The following DGKB variants were observed in gnomAD, a reference collection of about 807,000 sequenced individuals.
DGKB encodes the protein diacylglycerol kinase beta, also known as 90 kDa diacylglycerol kinase.
DGKB carries 67 observed loss-of-function variants against 114.3 expected under a neutral mutation model. That is an observed-to-expected ratio of 0.59 (90% CI 0.48 to 0.72). The LOEUF is 0.72. Ranked by LOEUF, DGKB falls within the 30% of genes least tolerant of loss-of-function variation. The probability of loss-of-function intolerance (pLI) is 0.00; values close to 1 mark genes in which losing one functional copy is unlikely to be tolerated. For missense variants in DGKB, 907 were observed against 975.2 expected (o/e 0.93, Z 0.93); for synonymous variants, 398 against 323.1 (o/e 1.23, Z -2.49).
chr7:14,835,006 G>C (rs1846956891), intron 2 of DGKB, among the ~76,000 whole-genome samples: 1 of 152,122 alleles, frequency 6.6e-6, no homozygotes, highest in South Asian at 2.1e-4. Context: ...GTCTGAAGCA[G>C]TACAACAAAT....
intron 23 of DGKB, among the ~76,000 whole-genome samples, chr7:14,285,078 TAGTG>T (rs1800659773): frequency 2.6e-5 from 4 of 152,116 alleles, no homozygotes; most frequent in African/African-American, 2.4e-5. Flanking sequence ...AAACCTTACT[TAGTG>T]AGTGATATTT....
intron 14 of DGKB, among the ~76,000 whole-genome samples, chr7:14,629,479 A>G (rs1809278692): frequency 6.6e-6 from 1 of 152,028 alleles, no homozygotes; most frequent in South Asian, 2.1e-4. Context: ...CTCTAAATAA[A>G]TTCATAATCT....
chr7:14,934,977 A>G (rs1785203288), intron 1 of DGKB, among the ~76,000 whole-genome samples: 1 of 152,210 alleles, frequency 6.6e-6, no homozygotes, highest in African/African-American at 2.4e-5. Flanking sequence ...CCTGGTTCTG[A>G]AAGCACATTA....
At chr7:14,927,803 T>G (rs1784822230) in intron 1 of DGKB, among the ~76,000 whole-genome samples, 1 of 151,954 alleles carries the variant, frequency 6.6e-6, no homozygotes, top group Non-Finnish European at 1.5e-5. Flanking sequence ...GTACATAAAG[T>G]AGCAGCTGAC....
At chr7:14,302,379 GA>G (rs1202967883) in intron 23 of DGKB, among the ~76,000 whole-genome samples, 1 of 151,916 alleles carries the variant, frequency 6.6e-6, no homozygotes, top group Non-Finnish European at 1.5e-5. Flanking sequence ...ATTTTATTTT[GA>G]AATTTGTGTA....
chr7:14,450,699 T>C (rs186878439), intron 21 of DGKB, among the ~76,000 whole-genome samples: 1 of 152,202 alleles, frequency 6.6e-6, no homozygotes, highest in East Asian at 1.9e-4. Context: ...ATTTTCATCA[T>C]TCTGTGCCAT....
chr7:14,870,809 T>TAACAAATAATAACTATATATTTATGG (rs1562774283), intron 1 of DGKB, among the ~76,000 whole-genome samples: 2 of 8,786 alleles, frequency 2.3e-4, no homozygotes, highest in African/African-American at 2.9e-4. Context: ...AAAAGAAAAT[T>TAACAAATAATAACTATATATTTATGG]GGCCGGGCGC....
chr7:14,468,408 G>A (rs564936947), intron 21 of DGKB, among the ~76,000 whole-genome samples: 58 of 152,134 alleles, frequency 3.8e-4, no homozygotes, highest in Admixed American at 1.2e-3. Flanking sequence ...AAGCTTCAGT[G>A]TTTTCACCAT....
At chr7:14,249,321 T>C (rs902778433) in intron 23 of DGKB, among the ~76,000 whole-genome samples, 1 of 152,200 alleles carries the variant, frequency 6.6e-6, no homozygotes, top group African/African-American at 2.4e-5. Context: ...GTAGTGTTTT[T>C]ATCTGGCTTT....
rs990546616 is a variant in DGKB, at chr7:14,829,726, C to G, written c.70+11468G>C. Among the ~76,000 whole-genome samples the G allele has an allele frequency of 8.5e-5, 13 of 152,078 alleles. 1 individual carries two copies. The highest frequency in any genetic ancestry group is 8.5e-4 in the Admixed American group (13 of 15,254). ...TAAGGTAACAAGAGGAAAATTAACA[C>G]AGAACTCTATGATTATGGCAGCCAA... On this transcript the variant is annotated intron_variant, in intron 2 of 25. Coordinates refer to ENST00000402815, the MANE Select transcript of DGKB (RefSeq NM_001350709.2).
chr7:14,601,911 T>C (rs1055829000), intron 17 of DGKB, among the ~76,000 whole-genome samples: 2 of 152,030 alleles, frequency 1.3e-5, no homozygotes, highest in African/African-American at 4.8e-5. Context: ...CCTCTCTCTA[T>C]GGTCTTCTTT....
chr7:14,898,404 T>A (rs1782456443), intron 1 of DGKB, among the ~76,000 whole-genome samples: 1 of 152,046 alleles, frequency 6.6e-6, no homozygotes, highest in African/African-American at 2.4e-5. Context: ...TTCCTACCAG[T>A]TTGTAACTGT....
At chr7:14,756,580 T>A (rs1330894749) in intron 3 of DGKB, among the ~76,000 whole-genome samples, 1 of 151,870 alleles carries the variant, frequency 6.6e-6, no homozygotes, top group African/African-American at 2.4e-5. Flanking sequence ...GTAGAGAGAA[T>A]AAGAAAATAT....
intron 1 of DGKB, among the ~76,000 whole-genome samples, chr7:14,852,013 T>A (rs572284068): frequency 2.6e-5 from 4 of 152,322 alleles, no homozygotes; most frequent in African/African-American, 9.6e-5. Context: ...CATTCTGAAT[T>A]CCTGGCCTAC....
intron 2 of DGKB, among the ~76,000 whole-genome samples, chr7:14,758,884 AATAGATAGATAGATAGATAGATAG>A (rs76875239): frequency 6.9e-5 from 10 of 145,068 alleles, no homozygotes; most frequent in African/African-American, 2.6e-4. Context: ...TGTGTGAAAC[AATAGATAGATAGATAGATAGATAG>A]ATAGATAGAT....
At chr7:14,766,321 T>C (rs1198417537) in intron 2 of DGKB, among the ~76,000 whole-genome samples, 1 of 151,918 alleles carries the variant, frequency 6.6e-6, no homozygotes, top group Non-Finnish European at 1.5e-5. Flanking sequence ...AGTATAGAGA[T>C]GTGATGGCAT....
At chr7:14,670,960 C>T (rs1012434578) in intron 13 of DGKB, among the ~76,000 whole-genome samples, 2 of 152,028 alleles carry the variant, frequency 1.3e-5, no homozygotes, top group African/African-American at 2.4e-5. Flanking sequence ...TTAGCATAGT[C>T]TCTGGGATAG....
At chr7:14,530,222 A>C (rs1030253995) in intron 20 of DGKB, among the ~76,000 whole-genome samples, 18 of 151,602 alleles carry the variant, frequency 1.2e-4, no homozygotes, top group Admixed American at 1.1e-3. Flanking sequence ...TACAGTCCTA[A>C]TTTTTTTAAA....
At chr7:14,236,659 AT>A (rs1351482701) in intron 23 of DGKB, among the ~76,000 whole-genome samples, 7 of 152,048 alleles carry the variant, frequency 4.6e-5, no homozygotes, top group East Asian at 1.9e-4. Flanking sequence ...AAGTCGTGAA[AT>A]TTTTTCCCCC....
Sources: allele counts gnomAD v4.1 joint callset (sites outside exome capture counted in the v4.1 genomes callset), GRCh38; gene constraint gnomAD v4.1.1; transcripts MANE v1.5; gene names NCBI Gene and HGNC (gene_info 2026-07-23, HGNC 2026-07-21).